Variants in ZNF536 observed in about 807,000 individuals in gnomAD.
ZNF536 encodes zinc finger protein 536.
Under a neutral mutation model 84.5 loss-of-function variants are expected in ZNF536, and 13 were observed. The observed-to-expected ratio is 0.15, with a 90% CI of 0.10 to 0.24. ZNF536 has a LOEUF of 0.24. ZNF536 is among the 10% of genes least tolerant of loss of function. The pLI, the probability that ZNF536 is intolerant of heterozygous loss-of-function variation, is 1.00. For synonymous variants in ZNF536, 811 were observed against 742.5 expected (o/e 1.09, Z -1.50); for missense variants, 1,536 against 1,747.5 (o/e 0.88, Z 2.16).
intron 3 of ZNF536, among the ~76,000 whole-genome samples, chr19:30,355,447 G>T (rs1028405393): frequency 2.6e-5 from 4 of 152,086 alleles, no homozygotes; most frequent in Admixed American, 1.3e-4. Context: ...GAGTGCAGTG[G>T]CGTGATTTTG....
At chr19:30,370,309 G>T (rs1043456539), upstream of ZNF536, among the ~76,000 whole-genome samples, 2 of 152,084 alleles carry the variant, frequency 1.3e-5, no homozygotes, top group Non-Finnish European at 1.5e-5. Context: ...TCTGTGCTGG[G>T]GTATTACGTA....
chr19:30,568,917 G>A (rs2046443416), intron 1 of ZNF536, among the ~76,000 whole-genome samples: 1 of 152,204 alleles, frequency 6.6e-6, no homozygotes, highest in Admixed American at 6.5e-5. Flanking sequence ...TGCTTTTACT[G>A]CTCCTCCTGA....
chr19:30,324,569 T>G (rs2046962178), intron 2 of ZNF536, among the ~76,000 whole-genome samples: 1 of 152,178 alleles, frequency 6.6e-6, no homozygotes, highest in Non-Finnish European at 1.5e-5. Context: ...TTTAAAATTT[T>G]TTTGTAGAGA....
At chr19:30,240,056 C>T (rs993977802) in intron 1 of ZNF536, among the ~76,000 whole-genome samples, 6 of 151,996 alleles carry the variant, frequency 3.9e-5, no homozygotes, top group African/African-American at 1.2e-4. Context: ...GCAAAGGTGT[C>T]GACATTGGTT....
At chr19:30,268,418 G>C (rs2025640275) in intron 1 of ZNF536, among the ~76,000 whole-genome samples, 1 of 152,116 alleles carries the variant, frequency 6.6e-6, no homozygotes, top group Non-Finnish European at 1.5e-5. Context: ...GTATAGTCCT[G>C]GTGTGGTTTT....
At chr19:30,388,856 T>C (rs1227234389) in intron 1 of ZNF536, among the ~76,000 whole-genome samples, 5 of 152,232 alleles carry the variant, frequency 3.3e-5, no homozygotes, top group African/African-American at 4.8e-5. Context: ...CTTAAAATCA[T>C]GTGCTGGGCC....
chr19:30,653,973 T>TA (rs1424152604), intron 1 of ZNF536, among the ~76,000 whole-genome samples: 1 of 152,226 alleles, frequency 6.6e-6, no homozygotes, highest in East Asian at 1.9e-4. Context: ...CTGCGTGCTT[T>TA]AGCTCTGCCT....
Position 30,300,875 on chromosome 19 carries a change from GGAGGTTCGAGTCCTAGC to G in ZNF536, c.-120+16735_-120+16751del, listed in dbSNP as rs561596010. On this transcript the variant is annotated intron_variant, in intron 2 of 5. Transcript: ENST00000585628. Reference sequence around the variant, plus strand: ...TGAGTGCACAAGTGTGTGTGTGTCTGGAGGTTCGAGTCCTAGCTCTGCCGCTAACTAGCTCCATGACC... The same window carrying G: ...TGAGTGCACAAGTGTGTGTGTGTCTGTCTGCCGCTAACTAGCTCCATGACC... 1.1e-3 allele frequency among the ~76,000 whole-genome samples: 173 copies of G among 151,316 alleles called. 1 individual carries two copies. The highest frequency in any genetic ancestry group is 4.1e-3 in the African/African-American group (169 of 41,038).
At chr19:30,349,936 G>T (rs771651077) in intron 2 of ZNF536, among the ~76,000 whole-genome samples, 32 of 152,048 alleles carry the variant, frequency 2.1e-4, no homozygotes, top group Non-Finnish European at 4.1e-4. Context: ...TTCAACTGAG[G>T]TTGTTAATGT....
At chr19:30,645,652 G>A (rs1203588016) in intron 1 of ZNF536, among the ~76,000 whole-genome samples, 1 of 152,140 alleles carries the variant, frequency 6.6e-6, no homozygotes, top group East Asian at 1.9e-4. Flanking sequence ...TCTAATACTT[G>A]CATGTTAGGA....
At chr19:30,404,610 A>G (rs2050189811) in intron 1 of ZNF536, among the ~76,000 whole-genome samples, 1 of 152,192 alleles carries the variant, frequency 6.6e-6, no homozygotes, top group African/African-American at 2.4e-5. Flanking sequence ...CCCAGGAAGT[A>G]CCACGTTAGT....
At chr19:30,602,900 A>G (rs2047739801) in intron 1 of ZNF536, among the ~76,000 whole-genome samples, 1 of 152,148 alleles carries the variant, frequency 6.6e-6, no homozygotes. Context: ...AAATAATACT[A>G]CTAAATAAAT....
At chr19:30,249,723 C>T (rs2024498992) in intron 1 of ZNF536, among the ~76,000 whole-genome samples, 1 of 152,188 alleles carries the variant, frequency 6.6e-6, no homozygotes, top group African/African-American at 2.4e-5. Flanking sequence ...ACCCCCCACC[C>T]TGCCTCATCG....
At chr19:30,338,373 AATAATGGTGGTG>A (rs1477837570) in intron 2 of ZNF536, among the ~76,000 whole-genome samples, 1 of 145,610 alleles carries the variant, frequency 6.9e-6, no homozygotes. Context: ...TGATGGTGAT[AATAATGGTGGTG>A]ATGATGGTGG....
chr19:30,287,277 G>T, intron 2 of ZNF536, among the ~76,000 whole-genome samples: 1 of 147,964 alleles, frequency 6.8e-6, no homozygotes, highest in African/African-American at 2.5e-5. Flanking sequence ...ATGGATTGAT[G>T]AATGGATGGC....
At chr19:30,441,692 G>C (rs1452556103) in intron 1 of ZNF536, among the ~76,000 whole-genome samples, 1 of 152,232 alleles carries the variant, frequency 6.6e-6, no homozygotes, top group Non-Finnish European at 1.5e-5. Context: ...AAGATGACAA[G>C]CTGGAAGCCT....
intron 1 of ZNF536, among the ~76,000 whole-genome samples, chr19:30,572,995 G>T (rs575791298): frequency 7.2e-5 from 11 of 152,264 alleles, no homozygotes; most frequent in African/African-American, 1.9e-4. Flanking sequence ...TGGTTGCTCA[G>T]ACCCACCTGC....
intron 2 of ZNF536, among the ~76,000 whole-genome samples, chr19:30,468,785 C>T (rs1228265246): frequency 6.6e-6 from 1 of 152,090 alleles, no homozygotes; most frequent in Non-Finnish European, 1.5e-5. Context: ...CCATCGACAC[C>T]TAGGCAGAGA....
intron 1 of ZNF536, among the ~76,000 whole-genome samples, chr19:30,684,126 C>T (rs2051080974): frequency 6.6e-6 from 1 of 152,130 alleles, no homozygotes; most frequent in Admixed American, 6.6e-5. Flanking sequence ...TGTACACACA[C>T]ACACACATAT....
Sources: gnomAD v4.1 joint callset for allele counts (sites outside exome capture counted in the v4.1 genomes callset) on GRCh38, gnomAD v4.1.1 for gene constraint, MANE v1.5 for transcripts, NCBI Gene and HGNC (gene_info 2026-07-23, HGNC 2026-07-21) for gene names.